SPATA13: variants seen among roughly 807,000 people sequenced by gnomAD.
SPATA13 encodes the protein spermatogenesis-associated protein 13.
In SPATA13, 50 loss-of-function variants were observed where a neutral mutation model predicts 104.0. The observed-to-expected ratio is 0.48, with a 90% confidence interval of 0.38 to 0.61. The LOEUF (loss-of-function observed/expected upper bound fraction) is 0.61, where lower values mean the gene tolerates loss of function less well. SPATA13 is among the 20% of genes least tolerant of loss of function. SPATA13 has a pLI of 0.00. For synonymous variants in SPATA13, 606 were observed against 667.5 expected, an observed-to-expected ratio of 0.91 and a Z score of 1.42; for missense variants, 1,524 against 1,690.6, an observed-to-expected ratio of 0.90 and a Z score of 1.73.
chr13:23,985,956 C>T (rs1292143313), intron 2 of SPATA13, among the ~76,000 whole-genome samples: 1 of 152,212 alleles, frequency 6.6e-6, no homozygotes, highest in Admixed American at 6.5e-5. Context: ...GGATTAGCTG[C>T]AAGTGCGCTT....
intron 3 of SPATA13, chr13:24,123,777 T>G: frequency 8.3e-7 from 1 of 1,201,400 alleles, no homozygotes; most frequent in South Asian, 1.2e-5. Flanking sequence ...GGGCTTTGGA[T>G]TCTTCCAGGT....
At chr13:24,002,074 G>C (rs908951623) in intron 2 of SPATA13, among the ~76,000 whole-genome samples, 2 of 152,066 alleles carry the variant, frequency 1.3e-5, no homozygotes, top group African/African-American at 2.4e-5. Context: ...GGAGTGACGA[G>C]AGGTCACTGT....
At chr13:24,055,328 C>G (rs539982442) in intron 3 of SPATA13, among the ~76,000 whole-genome samples, 2 of 152,162 alleles carry the variant, frequency 1.3e-5, no homozygotes, top group Non-Finnish European at 2.9e-5. Flanking sequence ...CGTGTAAGAT[C>G]CCAGATGCAA....
intron 3 of SPATA13, among the ~76,000 whole-genome samples, chr13:24,130,423 G>A (rs557876869): frequency 6.6e-6 from 1 of 152,362 alleles, no homozygotes; most frequent in South Asian, 2.1e-4. Flanking sequence ...GAGAAGGCAT[G>A]AATCAGAGAA....
chr13:24,270,955 C>A, intron 4 of SPATA13: 1 of 1,427,790 alleles, frequency 7.0e-7, no homozygotes, highest in Non-Finnish European at 9.9e-7. Context: ...GACATGTTGC[C>A]GATTCAGCTC....
intron 3 of SPATA13, among the ~76,000 whole-genome samples, chr13:24,066,619 C>G (rs537695165): frequency 1.3e-5 from 2 of 152,184 alleles, no homozygotes; most frequent in African/African-American, 2.4e-5. Context: ...TCACTGTGCT[C>G]ACAATGGCTC....
intron 4 of SPATA13, chr13:24,273,081 C>T (rs533963866): frequency 6.5e-6 from 1 of 152,766 alleles, no homozygotes; most frequent in African/African-American, 2.4e-5. Flanking sequence ...CCAGCAGCCC[C>T]AGGACGAGCA....
Position 24,306,449 on chromosome 13 carries a change from C to A in SPATA13, c.*3676C>A, listed in dbSNP as rs1037511710. On this transcript the variant is annotated 3_prime_UTR_variant, in exon 13 of 13. Transcript: ENST00000382108. Reference sequence around the variant, plus strand: ...GTGTCAAGAAGTATGAATAAATGTCCTTTCACCAGCTCACAGGCCAGAAAT... The same window carrying A: ...GTGTCAAGAAGTATGAATAAATGTCATTTCACCAGCTCACAGGCCAGAAAT... The A allele has an allele frequency of 6.6e-6, 1 of 152,110 alleles. No individual in the cohort carries two copies. Among genetic ancestry groups the A allele is most frequent in the African/African-American group, 2.4e-5 (1 of 41,412 alleles). The allele number at this position is 152,110 out of a possible 1,614,324, so 9.4% of individuals were successfully genotyped here.
intron 3 of SPATA13, among the ~76,000 whole-genome samples, chr13:24,077,725 A>G (rs1463721095): frequency 1.3e-5 from 2 of 152,330 alleles, no homozygotes; most frequent in East Asian, 1.9e-4. Context: ...TGTAGGCCCC[A>G]GGACCGTGTA....
intron 3 of SPATA13, chr13:24,251,496 T>C (rs1873475538): frequency 4.1e-6 from 4 of 985,340 alleles, no homozygotes; most frequent in Admixed American, 6.1e-5. Context: ...AGATGAAACA[T>C]GAGGCTGCAG....
intron 3 of SPATA13, among the ~76,000 whole-genome samples, chr13:24,042,231 A>G (rs1877958552): frequency 6.6e-6 from 1 of 152,152 alleles, no homozygotes; most frequent in African/African-American, 2.4e-5. Flanking sequence ...TTACTCCTAA[A>G]TCTTAGGGAG....
chr13:24,124,258 A>T (rs1285381413), intron 3 of SPATA13, among the ~76,000 whole-genome samples: 1 of 152,202 alleles, frequency 6.6e-6, no homozygotes, highest in African/African-American at 2.4e-5. Context: ...TGTCTTTAGT[A>T]GTCTATTGAC....
chr13:24,108,797 C>T (rs920910481), intron 3 of SPATA13, among the ~76,000 whole-genome samples: 1 of 152,078 alleles, frequency 6.6e-6, no homozygotes, highest in East Asian at 1.9e-4. Context: ...GAAAGATTGG[C>T]GCCCACGTTC....
chr13:24,207,776 G>C, intron 1 of SPATA13, among the ~76,000 whole-genome samples: 1 of 152,252 alleles, frequency 6.6e-6, no homozygotes, highest in South Asian at 2.1e-4. Flanking sequence ...CCAAGATGCA[G>C]ACTGGCTATC....
intron 2 of SPATA13, among the ~76,000 whole-genome samples, chr13:23,998,171 A>G (rs1288252185): frequency 4.6e-5 from 7 of 152,276 alleles, no homozygotes; most frequent in East Asian, 1.9e-4. Context: ...GCACCATTTC[A>G]CTTTCTCAAC....
intron 3 of SPATA13, chr13:24,122,440 T>C (rs1052588717): frequency 6.9e-6 from 11 of 1,599,736 alleles, no homozygotes; most frequent in Non-Finnish European, 7.7e-6. Context: ...CCAGTCTTCA[T>C]CGTCTCCATC....
chr13:24,130,282 T>G (rs2137834129), intron 3 of SPATA13, among the ~76,000 whole-genome samples: 1 of 152,250 alleles, frequency 6.6e-6, no homozygotes, highest in African/African-American at 2.4e-5. Flanking sequence ...GGACTAGGAC[T>G]AAGTGAGCAG....
At chr13:24,113,024 G>T (rs1880698843) in intron 3 of SPATA13, among the ~76,000 whole-genome samples, 1 of 152,202 alleles carries the variant, frequency 6.6e-6, no homozygotes, top group Non-Finnish European at 1.5e-5. Flanking sequence ...TGGAAGCCTA[G>T]GTTCCCAGGC....
At chr13:24,174,438 C>A (rs1005676769) in intron 1 of SPATA13, among the ~76,000 whole-genome samples, 1 of 151,126 alleles carries the variant, frequency 6.6e-6, no homozygotes, top group African/African-American at 2.4e-5. Flanking sequence ...TGAGATGGTT[C>A]TTCTTTTCTT....
Sources: gnomAD v4.1 joint callset for allele counts (sites outside exome capture counted in the v4.1 genomes callset) on GRCh38, gnomAD v4.1.1 for gene constraint, MANE v1.5 for transcripts, NCBI Gene and HGNC (gene_info 2026-07-23, HGNC 2026-07-21) for gene names.